DCC: variants seen among roughly 807,000 people sequenced by gnomAD.
DCC encodes netrin receptor DCC.
Under a neutral mutation model 172.5 loss-of-function variants are expected in DCC, and 58 were observed. The ratio of observed to expected loss-of-function variants is 0.34; its 90% confidence interval spans 0.27 to 0.42. The LOEUF (loss-of-function observed/expected upper bound fraction) is 0.42. DCC is among the 10% of genes least tolerant of loss of function. The probability of loss-of-function intolerance (pLI) is 1.00; values close to 1 mark genes in which losing one functional copy is unlikely to be tolerated. For synonymous variants in DCC, 709 were observed against 644.5 expected, an observed-to-expected ratio of 1.10 and a Z score of -1.52; for missense variants, 1,740 against 1,791.0, an observed-to-expected ratio of 0.97 and a Z score of 0.51.
Position 53,050,279 on chromosome 18 carries a change from TAACACCCAGA to T in DCC, c.986-13015_986-13006del, listed in dbSNP as rs577201934. 5.2e-3 allele frequency among the ~76,000 whole-genome samples: 788 copies of T among 151,508 alleles called. 6 individuals are homozygous for T. The highest frequency in any genetic ancestry group is 0.023 in the Admixed American group (343 of 15,244). On this transcript the variant is annotated intron_variant, in intron 5 of 28. Coordinates refer to ENST00000442544, the MANE Select transcript of DCC (RefSeq NM_005215.4). Reference sequence around the variant, plus strand: ...TGACTCAAATGTTAATTTCTTCTGTTAACACCCAGAAACACCCAGATACACCCGGAAACAA... The same window carrying T: ...TGACTCAAATGTTAATTTCTTCTGTTAACACCCAGATACACCCGGAAACAA...
chr18:53,425,979 T>C (rs942133340), intron 21 of DCC, among the ~76,000 whole-genome samples: 1 of 151,988 alleles, frequency 6.6e-6, no homozygotes, highest in African/African-American at 2.4e-5. Flanking sequence ...TAAAATAAAT[T>C]CTAGACCATT....
chr18:52,983,030 A>C (rs1188396212), intron 5 of DCC, among the ~76,000 whole-genome samples: 1 of 152,096 alleles, frequency 6.6e-6, no homozygotes, highest in East Asian at 1.9e-4. Context: ...CCCCATTTCT[A>C]TCTTGTTAGT....
rs1418109351 is a variant in DCC, at chr18:53,427,956, TATA to T, written c.3164-7181_3164-7179del. 7.5e-3 allele frequency among the ~76,000 whole-genome samples: 437 copies of T among 58,246 alleles called. 72 individuals carry two copies. In the East Asian group the frequency reaches 0.13, roughly 18 times the overall value. The allele number at this position is 58,246 out of a possible 152,430, so 38.2% of individuals were successfully genotyped here. A position where few individuals can be genotyped will look rare whatever the true frequency, so the allele number is the denominator to read the frequency against. The stretch of plus-strand genomic sequence containing the variant: ...TAATATAATATATTATAATATATAA[TATA>T]ATAATATAATATATAATATAATATA... On this transcript the variant is annotated intron_variant, in intron 21 of 28. Transcript: ENST00000442544.
intron 7 of DCC, among the ~76,000 whole-genome samples, chr18:53,066,376 T>C (rs2042569450): frequency 1.6e-5 from 1 of 62,652 alleles, no homozygotes; most frequent in Non-Finnish European, 2.8e-5. Flanking sequence ...TATATATATA[T>C]ATATATATAT....
intron 1 of DCC, among the ~76,000 whole-genome samples, chr18:52,676,159 C>A (rs1225001736): frequency 6.6e-6 from 1 of 152,174 alleles, no homozygotes; most frequent in Non-Finnish European, 1.5e-5. Flanking sequence ...GAAGACTCCA[C>A]AGAGGCGGAA....
intron 18 of DCC, among the ~76,000 whole-genome samples, chr18:53,402,479 T>C (rs1481757121): frequency 1.3e-5 from 2 of 152,184 alleles, no homozygotes; most frequent in Non-Finnish European, 2.9e-5. Flanking sequence ...TTCATTCTTA[T>C]AATGATTCTT....
In DCC at chr18:53,272,468, A is replaced by G. The variant is rs1290172931; in HGVS notation, c.1912-33110A>G. Among the ~76,000 whole-genome samples, 4 of 152,154 alleles carry G rather than the reference A, an allele frequency of 2.6e-5. No individual in the cohort carries two copies. In the South Asian group the frequency reaches 8.3e-4, roughly 31 times the overall value. On this transcript the variant is annotated intron_variant, in intron 12 of 28. Coordinates refer to ENST00000442544, the MANE Select transcript of DCC (RefSeq NM_005215.4). ...ATCAATTGCCACTCTTTGCCAGAAGAGTTTTTCAAAGAGGTATGCGTATTT... is the reference window on the plus strand; with the variant it reads ...ATCAATTGCCACTCTTTGCCAGAAGGGTTTTTCAAAGAGGTATGCGTATTT...
At chr18:52,715,901 G>A (rs1231406654) in intron 1 of DCC, among the ~76,000 whole-genome samples, 5 of 143,648 alleles carry the variant, frequency 3.5e-5, no homozygotes, top group African/African-American at 1.2e-4. Context: ...GGCTATCTGA[G>A]TTCTCCTTCT....
intron 8 of DCC, among the ~76,000 whole-genome samples, chr18:53,173,142 C>T (rs901552704): frequency 2.6e-5 from 4 of 152,056 alleles, no homozygotes; most frequent in African/African-American, 9.7e-5. Flanking sequence ...ATTTGCTGAC[C>T]TAAATGATCT....
intron 25 of DCC, among the ~76,000 whole-genome samples, chr18:53,484,067 G>GCAAT (rs1018168651): frequency 2.6e-5 from 4 of 151,634 alleles, no homozygotes; most frequent in South Asian, 2.1e-4. Flanking sequence ...GATCTTTATA[G>GCAAT]CAATCACTGA....
At chr18:52,969,612 TCTCTCTCTCTTTCTGTGACTC>T (rs2040993490) in intron 5 of DCC, among the ~76,000 whole-genome samples, 1 of 149,704 alleles carries the variant, frequency 6.7e-6, no homozygotes, top group South Asian at 2.1e-4. Flanking sequence ...TCTCTCTCTC[TCTCTCTCTCTTTCTGTGACTC>T]TCTGTGTCTC....
At chr18:53,247,411 A>G (rs1389020545) in intron 12 of DCC, among the ~76,000 whole-genome samples, 4 of 152,032 alleles carry the variant, frequency 2.6e-5, no homozygotes, top group East Asian at 1.9e-4. Flanking sequence ...CAGGAAAATT[A>G]TATGTGCTTA....
intron 14 of DCC, among the ~76,000 whole-genome samples, chr18:53,337,470 T>A (rs1476902218): frequency 6.6e-6 from 1 of 152,230 alleles, no homozygotes; most frequent in Non-Finnish European, 1.5e-5. Flanking sequence ...CTTTTATTAC[T>A]TTTACTTAGA....
intron 8 of DCC, among the ~76,000 whole-genome samples, chr18:53,175,356 G>A (rs896911557): frequency 6.6e-6 from 1 of 152,016 alleles, no homozygotes; most frequent in Non-Finnish European, 1.5e-5. Context: ...GAAATAAAAG[G>A]TATTCAGTTA....
intron 27 of DCC, among the ~76,000 whole-genome samples, chr18:53,506,859 C>CAAAAA (rs34848744): frequency 7.5e-6 from 1 of 133,380 alleles, no homozygotes; most frequent in Admixed American, 7.4e-5. Flanking sequence ...GACTCCATCT[C>CAAAAA]AAAAAAAAAA....
chr18:52,619,579 G>A (rs997590420), intron 1 of DCC, among the ~76,000 whole-genome samples: 1 of 152,164 alleles, frequency 6.6e-6, no homozygotes, highest in Non-Finnish European at 1.5e-5. Context: ...AGTTGTTCAA[G>A]TTATAAATCC....
At chr18:52,595,065 A>G (rs537056739) in intron 1 of DCC, among the ~76,000 whole-genome samples, 1 of 152,328 alleles carries the variant, frequency 6.6e-6, no homozygotes, top group South Asian at 2.1e-4. Flanking sequence ...TAGCTATGGA[A>G]TGTATCACTT....
intron 16 of DCC, among the ~76,000 whole-genome samples, 186 bp downstream of exon 16, chr18:53,386,324 C>T (rs560669097): frequency 6.6e-6 from 1 of 152,134 alleles, no homozygotes; most frequent in Non-Finnish European, 1.5e-5. Flanking sequence ...CATATGCATG[C>T]ATTTTTTTAT....
chr18:52,490,817 A>C (rs2030464097), intron 1 of DCC, among the ~76,000 whole-genome samples: 1 of 152,108 alleles, frequency 6.6e-6, no homozygotes, highest in Non-Finnish European at 1.5e-5. Context: ...TAAGAAAAAG[A>C]ATATGTCTCC....
Sources: allele counts gnomAD v4.1 joint callset (sites outside exome capture counted in the v4.1 genomes callset), GRCh38; gene constraint gnomAD v4.1.1; transcripts MANE v1.5; gene names NCBI Gene and HGNC (gene_info 2026-07-23, HGNC 2026-07-21).